The following CDH4 variants were observed in gnomAD, a reference collection of about 807,000 sequenced individuals.
The protein encoded by CDH4 is cadherin 4.
Under a neutral mutation model 86.0 loss-of-function variants are expected in CDH4, and 33 were observed. That is an observed-to-expected ratio of 0.38 (90% CI 0.29 to 0.51). The LOEUF is 0.51. Ranked by LOEUF, CDH4 falls within the 20% of genes least tolerant of loss-of-function variation. The pLI is 0.86. For missense variants in CDH4, 1,114 were observed against 1,307.4 expected (o/e 0.85, Z 2.28); for synonymous variants, 555 against 549.4 (o/e 1.01, Z -0.14).
At chr20:61,472,042 T>C (rs2085506923) in intron 2 of CDH4, among the ~76,000 whole-genome samples, 1 of 152,196 alleles carries the variant, frequency 6.6e-6, no homozygotes, top group Non-Finnish European at 1.5e-5. Context: ...GCAGATTAAC[T>C]CTGACATTTC....
intron 2 of CDH4, among the ~76,000 whole-genome samples, chr20:61,421,467 A>C (rs762039761): frequency 6.6e-6 from 1 of 152,202 alleles, no homozygotes; most frequent in Non-Finnish European, 1.5e-5. Flanking sequence ...AATGCAAAAC[A>C]GTCAAACTCA....
chr20:61,296,014 G>A (rs1270474279), intron 2 of CDH4, among the ~76,000 whole-genome samples: 1 of 152,166 alleles, frequency 6.6e-6, no homozygotes, highest in African/African-American at 2.4e-5. Context: ...TTTTCAGGAG[G>A]ACGGAGAAGG....
intron 2 of CDH4, among the ~76,000 whole-genome samples, chr20:61,406,589 G>T (rs2085084800): frequency 7.3e-6 from 1 of 137,202 alleles, no homozygotes; most frequent in Non-Finnish European, 1.5e-5. Flanking sequence ...CATCTGCTCT[G>T]CCCAGACCAC....
rs2085978908 is a variant in CDH4, at chr20:61,534,452, G to A, written c.170-209111G>A. On this transcript the variant is annotated intron_variant, in intron 2 of 15. Coordinates refer to ENST00000614565, the MANE Select transcript of CDH4 (RefSeq NM_001794.5). ...CCATATTTAATACACTTTTTTAAAG[G>A]TGGTAAAATAGCAAATCACAGGCTC... Among the ~76,000 whole-genome samples, 11 of 152,206 alleles carry A rather than the reference G, an allele frequency of 7.2e-5. No individual in the cohort carries two copies. In the South Asian group the frequency reaches 2.3e-3, roughly 32 times the overall value.
chr20:61,300,072 C>A (rs138839799), intron 2 of CDH4, among the ~76,000 whole-genome samples: 1 of 152,110 alleles, frequency 6.6e-6, no homozygotes, highest in South Asian at 2.1e-4. Context: ...CTCTTCTGCA[C>A]GCTGACTGGC....
intron 2 of CDH4, among the ~76,000 whole-genome samples, chr20:61,651,410 C>G (rs6061697): frequency 0.37 from 56,623 of 152,184 alleles, 11,462 homozygotes; most frequent in Non-Finnish European, 0.46. Flanking sequence ...AGGGGCCTCC[C>G]GGGAGCACCC....
At chr20:61,932,950 A>C in intron 13 of CDH4, 35 bp from the exon 14 acceptor site, 5 of 1,599,648 alleles carry the variant, frequency 3.1e-6, no homozygotes, top group Non-Finnish European at 4.3e-6. Flanking sequence ...GCACACCCGC[A>C]GCACACCCTG....
Position 61,810,975 on chromosome 20 carries a change from G to A in CDH4, c.577-33693G>A, listed in dbSNP as rs188429948. ...CTGCACTGCAAATGATGCTGCATTT[G>A]TAACGGGAGCTAGAAAGGAATCAGT... On this transcript the variant is annotated intron_variant, in intron 4 of 15. Coordinates refer to ENST00000614565, the MANE Select transcript of CDH4 (RefSeq NM_001794.5). The surrounding 1 kb of genome is among the most constrained non-coding windows in gnomAD (Gnocchi z 4.3). Among the ~76,000 whole-genome samples the A allele has an allele frequency of 1.3e-5, 2 of 152,336 alleles. No homozygotes were observed. The highest frequency in any genetic ancestry group is 4.8e-5 in the African/African-American group (2 of 41,590).
chr20:61,843,612 G>T (rs1330716464), intron 4 of CDH4, among the ~76,000 whole-genome samples: 1 of 151,760 alleles, frequency 6.6e-6, no homozygotes, highest in African/African-American at 2.4e-5. Flanking sequence ...AGGATTGCTT[G>T]AGCACAGGAG....
Position 61,713,121 on chromosome 20 carries a change from C to T in CDH4, c.170-30442C>T, listed in dbSNP as rs77034239. ...ACATTTCAGAAGAGCCTTATCCCTC[C>T]TCTCTCTGGGCAGATGTGCAAAATA... is the stretch of plus-strand genomic sequence containing the variant. On this transcript the variant is annotated intron_variant, in intron 2 of 15. Transcript: ENST00000614565. Among the ~76,000 whole-genome samples the T allele has an allele frequency of 6.6e-3, 1,004 of 152,322 alleles. 36 individuals carry two copies. The highest frequency in any genetic ancestry group is 0.057 in the Admixed American group (877 of 15,306).
intron 2 of CDH4, among the ~76,000 whole-genome samples, chr20:61,331,411 A>G (rs1258027297): frequency 6.6e-6 from 1 of 151,970 alleles, no homozygotes; most frequent in Admixed American, 6.6e-5. Flanking sequence ...ACCCAGAGCC[A>G]ACTCCCACTG....
chr20:61,734,908 C>T (rs1244438377), intron 2 of CDH4, among the ~76,000 whole-genome samples: 1 of 152,190 alleles, frequency 6.6e-6, no homozygotes, highest in Non-Finnish European at 1.5e-5. Context: ...GGGCTGAGGC[C>T]CAGCGCAGAC....
intron 2 of CDH4, among the ~76,000 whole-genome samples, chr20:61,729,425 T>C (rs1460539405): frequency 6.6e-6 from 1 of 152,188 alleles, no homozygotes; most frequent in African/African-American, 2.4e-5. Context: ...TATCTCCCAA[T>C]ACACCTGCAC....
At chr20:61,343,867 G>T (rs536257105) in intron 2 of CDH4, among the ~76,000 whole-genome samples, 7 of 152,234 alleles carry the variant, frequency 4.6e-5, no homozygotes, top group African/African-American at 1.7e-4. Context: ...AAGACAGTTG[G>T]TCACATCGGT....
intron 2 of CDH4, among the ~76,000 whole-genome samples, chr20:61,424,818 A>T (rs6121848): frequency 3.2e-4 from 49 of 151,744 alleles, no homozygotes; most frequent in South Asian, 8.3e-4. Flanking sequence ...CCTGTTTCCC[A>T]TCCAGTGCCC....
chr20:61,873,443 T>C (rs1983888370), intron 6 of CDH4, among the ~76,000 whole-genome samples: 1 of 152,240 alleles, frequency 6.6e-6, no homozygotes, highest in Non-Finnish European at 1.5e-5. Flanking sequence ...AGAGAAGTTC[T>C]TCCTCCTCCG....
intron 3 of CDH4, among the ~76,000 whole-genome samples, chr20:61,744,369 AGAGGGAGAGAGAGAAG>A (rs959938884): frequency 6.0e-5 from 9 of 148,814 alleles, no homozygotes; most frequent in Non-Finnish European, 5.9e-5. Context: ...GGAGAGGAAG[AGAGGGAGAGAGAGAAG>A]GAGGGAGAGA....
intron 2 of CDH4, among the ~76,000 whole-genome samples, chr20:61,673,122 G>A (rs2087408504): frequency 6.6e-6 from 1 of 152,140 alleles, no homozygotes; most frequent in Non-Finnish European, 1.5e-5. Flanking sequence ...GACAAGGAAG[G>A]GCTTTCTGGC....
At chr20:61,520,409 C>T (rs139143899) in intron 2 of CDH4, among the ~76,000 whole-genome samples, 1 of 152,200 alleles carries the variant, frequency 6.6e-6, no homozygotes, top group Non-Finnish European at 1.5e-5. Context: ...TCAGGAAAGT[C>T]ACTGAGCCTC....
Sources: gnomAD v4.1 joint callset for allele counts (sites outside exome capture counted in the v4.1 genomes callset) on GRCh38, gnomAD v4.1.1 for gene constraint, Gnocchi (gnomAD v3.1) non-coding constraint, MANE v1.5 for transcripts, NCBI Gene and HGNC (gene_info 2026-07-23, HGNC 2026-07-21) for gene names.